Variants in STAB2 observed in about 807,000 individuals in gnomAD.
The protein encoded by STAB2 is stabilin 2.
Under a neutral mutation model 338.1 loss-of-function variants are expected in STAB2, and 288 were observed. The observed-to-expected ratio is 0.85, with a 90% CI of 0.77 to 0.94. STAB2 has a LOEUF of 0.94. Among genes scored for constraint, STAB2 ranks in the 40% least tolerant of loss-of-function variants. The pLI is 0.00. For synonymous variants in STAB2, 1,202 were observed against 1,193.3 expected (o/e 1.01, Z -0.15); for missense variants, 3,141 against 3,210.1 (o/e 0.98, Z 0.52).
chr12:103,622,623 A>C (rs923497774), intron 5 of STAB2, among the ~76,000 whole-genome samples: 1 of 152,274 alleles, frequency 6.6e-6, no homozygotes, highest in Non-Finnish European at 1.5e-5. Flanking sequence ...AGTCATGATT[A>C]GTTCACTTTA....
chr12:103,652,248 C>T (rs1279496933), intron 11 of STAB2, among the ~76,000 whole-genome samples: 3 of 152,216 alleles, frequency 2.0e-5, no homozygotes, highest in South Asian at 2.1e-4. Context: ...GGGGCCATTG[C>T]GATGCTGTGC....
At position 103,590,970 on chromosome 12, in the gene STAB2, T is replaced by C; in HGVS notation, c.155T>C (p.Val52Ala). The change falls in exon 2 of 69, where the codon GTC becomes GCC. Residue 52 changes from valine (V) to alanine (A), a missense_variant. Physicochemically the swap from Val to Ala is moderately conservative, Grantham distance 64. Transcript: ENST00000388887. ...ECRSCALNLGVKCPDGYTMIT... is the reference protein window; with the variant it reads ...ECRSCALNLGAKCPDGYTMIT... ...CGATCCTGCGCTCTCAACCTTGGAGTCAAGTGCCCGGATGGTTACACCATG... is the reference window on the plus strand; with the variant it reads ...CGATCCTGCGCTCTCAACCTTGGAGCCAAGTGCCCGGATGGTTACACCATG... 6.2e-7 allele frequency: 1 copy of C among 1,613,978 alleles called. No individual in the cohort carries two copies. The highest frequency in any genetic ancestry group is 8.5e-7 in the Non-Finnish European group (1 of 1,179,980).
chr12:103,690,214 G>A (rs1877803260), intron 29 of STAB2, among the ~76,000 whole-genome samples: 1 of 152,138 alleles, frequency 6.6e-6, no homozygotes. Context: ...ACAACCCTAT[G>A]ATAGATATTG....
chr12:103,622,648 G>A (rs1308958585), intron 5 of STAB2, among the ~76,000 whole-genome samples: 1 of 152,174 alleles, frequency 6.6e-6, no homozygotes, highest in African/African-American at 2.4e-5. Context: ...GTGTAACCAA[G>A]TCTACATAGA....
chr12:103,754,412 CTT>C (rs1883932609), intron 61 of STAB2, among the ~76,000 whole-genome samples: 1 of 152,118 alleles, frequency 6.6e-6, no homozygotes, highest in South Asian at 2.1e-4. Context: ...AGTTACTTCT[CTT>C]TGCCTCAATT....
chr12:103,610,330 G>T (rs527599641), intron 3 of STAB2, among the ~76,000 whole-genome samples: 2 of 152,166 alleles, frequency 1.3e-5, no homozygotes, highest in African/African-American at 4.8e-5. Flanking sequence ...ACTTGTTTTG[G>T]TTGGTAAGCT....
chr12:103,685,144 A>G lies in STAB2; in HGVS notation c.2997+60A>G. On this transcript the variant is annotated intron_variant, in intron 27 of 68. Coordinates refer to ENST00000388887, the MANE Select transcript of STAB2 (RefSeq NM_017564.10). ...AAAACCCTTTAAAAACCTCTTAGCT[A>G]AGATGCCTTTAAAGTGATCTATTGA... The G allele has an allele frequency of 2.0e-6, 3 of 1,494,678 alleles. No individual in the cohort carries two copies. The South Asian group carries it at 3.5e-5, about 17-fold the overall frequency. The allele number at this position is 1,494,678 out of a possible 1,614,324, so 92.6% of individuals were successfully genotyped here.
intron 59 of STAB2, among the ~76,000 whole-genome samples, chr12:103,749,867 A>AAAAAAAAAAAAAAG (rs1253728375): frequency 3.0e-5 from 4 of 132,460 alleles, no homozygotes; most frequent in African/African-American, 1.2e-4. Context: ...AAAAAAAAAA[A>AAAAAAAAAAAAAAG]AAAAAGCTGG....
At chr12:103,715,447 G>A (rs529316391) in intron 42 of STAB2, among the ~76,000 whole-genome samples, 1 of 152,142 alleles carries the variant, frequency 6.6e-6, no homozygotes, top group South Asian at 2.1e-4. Context: ...AATCTATATT[G>A]TGATGGTTGC....
chr12:103,668,650 TCA>T lies in STAB2; in HGVS notation c.2100_2101del (p.His700GlnfsTer36). ...CTCCTTGGCTTTCTCCAGGCACTCT[TCA>T]CACACAGATGTGTCTACAGTGGCAG... On this transcript the variant is annotated frameshift_variant, in exon 20 of 69. Transcript: ENST00000388887. LOFTEE classifies it high-confidence loss of function. 1 of 1,551,922 alleles carries T rather than the reference TCA, an allele frequency of 6.4e-7. No individual in the cohort carries two copies. The highest frequency in any genetic ancestry group is 8.7e-7 in the Non-Finnish European group (1 of 1,147,148).
At chr12:103,658,335 C>G (rs1874345546) in intron 15 of STAB2, among the ~76,000 whole-genome samples, 1 of 152,126 alleles carries the variant, frequency 6.6e-6, no homozygotes, top group Non-Finnish European at 1.5e-5. Context: ...ACAACGACAG[C>G]TCCTGGAAAC....
chr12:103,656,305 A>G (rs1037226946), intron 15 of STAB2, among the ~76,000 whole-genome samples: 4 of 152,172 alleles, frequency 2.6e-5, no homozygotes, highest in Admixed American at 1.3e-4. Context: ...TAATGGGGAG[A>G]GATGACCTAT....
chr12:103,748,584 CCACACACACACACACACACATA>C lies in STAB2; in HGVS notation c.6245-358_6245-337del, dbSNP rs1447706171. On this transcript the variant is annotated intron_variant, in intron 58 of 68. Transcript: ENST00000388887. The stretch of plus-strand genomic sequence containing the variant: ...TGCTCAATATTGTACTAACTCTACA[CCACACACACACACACACACATA>C]CACACACACACACACACACACACAC... Among the ~76,000 whole-genome samples the C allele has an allele frequency of 4.2e-3, 591 of 141,946 alleles. 19 individuals are homozygous for C. In the East Asian group the frequency reaches 0.057, roughly 14 times the overall value. The allele number at this position is 141,946 out of a possible 152,430, so 93.1% of individuals were successfully genotyped here. A position where few individuals can be genotyped will look rare whatever the true frequency, so the allele number is the denominator to read the frequency against.
At chr12:103,733,651 G>T (rs1260877519) in intron 51 of STAB2, among the ~76,000 whole-genome samples, 1 of 152,088 alleles carries the variant, frequency 6.6e-6, no homozygotes, top group Non-Finnish European at 1.5e-5. Context: ...AAACTAGCAT[G>T]ATCATATAGG....
In STAB2 at chr12:103,766,362, T is replaced by TC; in HGVS notation, c.*27dup. The TC allele has an allele frequency of 1.3e-6, 2 of 1,593,624 alleles. No homozygotes were observed. Among genetic ancestry groups the TC allele is most frequent in the Non-Finnish European group, 1.7e-6 (2 of 1,168,554 alleles). ...GGGCCTGGACGGGAGATGCCAGCCA[T>TC]CACTCACTGCCACCTGGGCCATCAA... On this transcript the variant is annotated 3_prime_UTR_variant, in exon 69 of 69. Coordinates refer to ENST00000388887, the MANE Select transcript of STAB2 (RefSeq NM_017564.10).
intron 35 of STAB2, among the ~76,000 whole-genome samples, chr12:103,703,502 G>T (rs1388761017): frequency 6.6e-6 from 1 of 152,158 alleles, no homozygotes; most frequent in Non-Finnish European, 1.5e-5. Flanking sequence ...GCAAGAGGTT[G>T]TACCTTGTGT....
intron 56 of STAB2, 27 bp from the exon 57 acceptor site, chr12:103,745,146 A>G: frequency 1.9e-6 from 3 of 1,599,962 alleles, no homozygotes; most frequent in Non-Finnish European, 2.6e-6. Context: ...ACCCCTGATG[A>G]CTGACCATAT....
At chr12:103,702,019 CACA>C (rs1566028109) in intron 34 of STAB2, among the ~76,000 whole-genome samples, 2 of 131,502 alleles carry the variant, frequency 1.5e-5, no homozygotes, top group Non-Finnish European at 3.3e-5. Flanking sequence ...CACACACACA[CACA>C]CCCCACCCCA....
chr12:103,648,780 A>G lies in STAB2; in HGVS notation c.1131A>G (p.Arg377=). ...TCAGAGAATTAAATACTGAACCCAG[A>G]GGAAAATGGCAAGGAAGGCTGACCT... ...ERLRELNTEP[R]GKWQGRLTSF... The change falls in exon 10 of 69, where the codon AGA becomes AGG. Residue 377 remains arginine (R), a synonymous_variant. Transcript: ENST00000388887. 1 of 1,614,184 alleles carries G rather than the reference A, an allele frequency of 6.2e-7. No individual in the cohort carries two copies. Among genetic ancestry groups the G allele is most frequent in the Non-Finnish European group, 8.5e-7 (1 of 1,180,002 alleles).
Sources: allele counts gnomAD v4.1 joint callset (sites outside exome capture counted in the v4.1 genomes callset), GRCh38; gene constraint gnomAD v4.1.1; transcripts MANE v1.5; gene names NCBI Gene and HGNC (gene_info 2026-07-23, HGNC 2026-07-21).